The following TBX18 variants were observed in gnomAD, a reference collection of about 807,000 sequenced individuals.
TBX18 encodes the protein T-box transcription factor 18.
A neutral mutation model predicts 55.0 loss-of-function variants in TBX18; 21 were observed. The ratio of observed to expected loss-of-function variants is 0.38; its 90% CI spans 0.27 to 0.55. The LOEUF (loss-of-function observed/expected upper bound fraction) is 0.55. Among genes scored for constraint, TBX18 ranks in the 20% least tolerant of loss-of-function variants. The probability of loss-of-function intolerance (pLI) is 0.73; values close to 1 mark genes in which losing one functional copy is unlikely to be tolerated. For synonymous variants in TBX18, 342 were observed against 326.1 expected (o/e 1.05, Z -0.53); for missense variants, 840 against 799.6 (o/e 1.05, Z -0.61).
At chr6:84,741,749 T>C (rs1319283275) in intron 6 of TBX18, 2 of 152,148 alleles carry the variant, frequency 1.3e-5, no homozygotes, top group Non-Finnish European at 2.9e-5. Context: ...TATGTTAAAC[T>C]TTTTCTCATA....
chr6:84,748,883 T>C (rs1347283966), intron 4 of TBX18, among the ~76,000 whole-genome samples: 1 of 152,148 alleles, frequency 6.6e-6, no homozygotes, highest in Non-Finnish European at 1.5e-5. Context: ...ATATCCAACA[T>C]GAGTAAATTA....
At position 84,732,691 on chromosome 6, in the gene TBX18, G is replaced by A. The variant is rs1756543011; in HGVS notation, c.*3994C>T. On this transcript the variant is annotated 3_prime_UTR_variant, in exon 8 of 8. Coordinates refer to ENST00000369663, the MANE Select transcript of TBX18 (RefSeq NM_001080508.3). Reference sequence around the variant, plus strand: ...ACGTTACTAAGTATAGCTTCCTTCTGATATTAAAATACTAAAATTTATCCT... The same window carrying A: ...ACGTTACTAAGTATAGCTTCCTTCTAATATTAAAATACTAAAATTTATCCT... 1 of 151,856 alleles carries A rather than the reference G, an allele frequency of 6.6e-6. No individual in the cohort carries two copies. Among genetic ancestry groups the A allele is most frequent in the African/African-American group, 2.4e-5 (1 of 41,370 alleles). The allele number at this position is 151,856 out of a possible 1,614,324, so 9.4% of individuals were successfully genotyped here.
Position 84,762,666 on chromosome 6 carries a change from G to A in TBX18, c.375C>T (p.Ser125=). 2 of 1,609,932 alleles carry A rather than the reference G, an allele frequency of 1.2e-6. No individual in the cohort carries two copies. Among genetic ancestry groups the A allele is most frequent in the Non-Finnish European group, 8.5e-7 (1 of 1,178,424 alleles). The change falls in exon 2 of 8, where the codon TCC becomes TCT. Residue 125 remains serine (S), a synonymous_variant. Coordinates refer to ENST00000369663, the MANE Select transcript of TBX18 (RefSeq NM_001080508.3). The stretch of plus-strand genomic sequence containing the variant: ...GCAGAGGGGTCCCGGGCCGGGCCAG[G>A]GAGCGCGCCGGAGACCCCTTGGGGG... ...GGSPKGSPAR[S]LARPGTPLPS...
At position 84,763,200 on chromosome 6, in the gene TBX18, C is replaced by T. The variant is rs1172228825; in HGVS notation, c.293-452G>A. The T allele has an allele frequency of 8.3e-6, 3 of 362,296 alleles. No homozygotes were observed. In the Admixed American group the frequency reaches 1.1e-4, roughly 14 times the overall value. 22.4% of individuals were successfully genotyped at this position (362,296 alleles called of 1,614,324 possible). ...GCGCCCGGACTCTGGTCCCAAGAGC[C>T]TGGGCCTCCTTAAGCCATAAGCGTC... On this transcript the variant is annotated intron_variant, in intron 1 of 7. Coordinates refer to ENST00000369663, the MANE Select transcript of TBX18 (RefSeq NM_001080508.3).
chr6:84,738,640 G>A (rs761428782), intron 6 of TBX18, 49 bp from the exon 7 acceptor site: 9 of 1,393,120 alleles, frequency 6.5e-6, no homozygotes, highest in African/African-American at 5.7e-5. Flanking sequence ...GTCTAGTTAG[G>A]AGCATTTGGA....
chr6:84,750,691 C>T (rs548209787), intron 4 of TBX18, among the ~76,000 whole-genome samples: 2 of 152,230 alleles, frequency 1.3e-5, no homozygotes, highest in African/African-American at 4.8e-5. Context: ...ATTATAAATT[C>T]GTATTTTTTG....
rs746085940 is a variant in TBX18, at chr6:84,737,331, G to A, written c.1178C>T (p.Ser393Phe). The A allele has an allele frequency of 1.3e-6, 2 of 1,590,944 alleles. No individual in the cohort carries two copies. Among genetic ancestry groups the A allele is most frequent in the Non-Finnish European group, 1.7e-6 (2 of 1,168,900 alleles). ...ATGGAAGGCAGGAGAGGAGCAAGAG[G>A]AGCCAGACAAAAGGTGAGGGTGAGT... ...PATHPHLLSGSSCSSPAFHLG... is the reference protein window; with the variant it reads ...PATHPHLLSGFSCSSPAFHLG... Residue 393 changes from serine to phenylalanine, a missense_variant, in exon 8 of 8, where the codon TCC becomes TTC. Transcript: ENST00000369663.
At position 84,737,510 on chromosome 6, in the gene TBX18, G is replaced by A. The variant is rs1313298978; in HGVS notation, c.1100-101C>T. 4 of 1,311,642 alleles carry A rather than the reference G, an allele frequency of 3.0e-6. No homozygotes were observed. In the African/African-American group the frequency reaches 5.9e-5, roughly 19 times the overall value. 81.3% of individuals were successfully genotyped at this position (1,311,642 alleles called of 1,614,324 possible). ...CACAGCTTGTTACAAGGCAAGGGTT[G>A]GAGGAATGCTACAGAGATGAAAAGG... is the stretch of plus-strand genomic sequence containing the variant. On this transcript the variant is annotated intron_variant, in intron 7 of 7. Coordinates refer to ENST00000369663, the MANE Select transcript of TBX18 (RefSeq NM_001080508.3).
Position 84,736,661 on chromosome 6 carries a change from A to G in TBX18, c.*24T>C. Reference sequence around the variant, plus strand: ...AAGAAAATATGTTAGACAGATCCAAATGTCATTTAACTTAAAGGCTTCATC... The same window carrying G: ...AAGAAAATATGTTAGACAGATCCAAGTGTCATTTAACTTAAAGGCTTCATC... On this transcript the variant is annotated 3_prime_UTR_variant, in exon 8 of 8. Coordinates refer to ENST00000369663, the MANE Select transcript of TBX18 (RefSeq NM_001080508.3). 4 of 1,502,992 alleles carry G rather than the reference A, an allele frequency of 2.7e-6. No homozygotes were observed. The highest frequency in any genetic ancestry group is 3.5e-6 in the Non-Finnish European group (4 of 1,127,594). The allele number at this position is 1,502,992 out of a possible 1,614,324, so 93.1% of individuals were successfully genotyped here.
chr6:84,749,016 C>G (rs1260380916), intron 4 of TBX18, among the ~76,000 whole-genome samples: 1 of 152,062 alleles, frequency 6.6e-6, no homozygotes, highest in African/African-American at 2.4e-5. Context: ...GTTAAAACTA[C>G]ATAAAAATAG....
intron 3 of TBX18, among the ~76,000 whole-genome samples, chr6:84,758,566 T>C (rs1033404639): frequency 5.9e-5 from 9 of 152,118 alleles, no homozygotes; most frequent in Admixed American, 2.0e-4. Flanking sequence ...ACTCAAACAT[T>C]AGAAAATAAG....
At chr6:84,763,711 T>A (rs1325315796) in intron 1 of TBX18, among the ~76,000 whole-genome samples, 179 bp downstream of exon 1, 1 of 152,076 alleles carries the variant, frequency 6.6e-6, no homozygotes, top group Non-Finnish European at 1.5e-5. Flanking sequence ...GGAAGCAGTA[T>A]CTGAACCGTC....
At chr6:84,753,021 A>T (rs1226955138) in intron 4 of TBX18, among the ~76,000 whole-genome samples, 1 of 152,172 alleles carries the variant, frequency 6.6e-6, no homozygotes, top group Non-Finnish European at 1.5e-5. Flanking sequence ...GAATTACCCT[A>T]CTCAAGCATA....
At chr6:84,740,796 A>G (rs1767028399) in intron 6 of TBX18, among the ~76,000 whole-genome samples, 1 of 152,256 alleles carries the variant, frequency 6.6e-6, no homozygotes, top group East Asian at 1.9e-4. Flanking sequence ...TATTAAAAAT[A>G]CTAAAGTGAT....
intron 5 of TBX18, among the ~76,000 whole-genome samples, chr6:84,745,994 C>G (rs986152408): frequency 1.3e-5 from 2 of 152,248 alleles, no homozygotes; most frequent in South Asian, 2.1e-4. Context: ...CACTAATCTG[C>G]TAACAATGTT....
At chr6:84,763,613 C>T (rs943553387) in intron 1 of TBX18, among the ~76,000 whole-genome samples, 9 of 152,146 alleles carry the variant, frequency 5.9e-5, no homozygotes. Context: ...ATGCAGGAAG[C>T]ACAGAGCTGC....
At chr6:84,751,775 A>T (rs1767355928) in intron 4 of TBX18, among the ~76,000 whole-genome samples, 1 of 152,228 alleles carries the variant, frequency 6.6e-6, no homozygotes, top group African/African-American at 2.4e-5. Context: ...ATCATCTCTC[A>T]TTTGAGTCTA....
At position 84,747,944 on chromosome 6, in the gene TBX18, G is replaced by A. The variant is rs754825542; in HGVS notation, c.915C>T (p.Thr305=). Residue 305 remains threonine (T), a synonymous_variant, in exon 5 of 8, where the codon ACC becomes ACT. Transcript: ENST00000369663. ...AFSFPETVFT[T]VTAYQNQQIT... ...CCTGCTGATTCTGATAGGCAGTGAC[G>A]GTTGTGAAGACAGTTTCTGGAAAGG... The A allele has an allele frequency of 6.8e-6, 11 of 1,612,524 alleles. No individual in the cohort carries two copies. The highest frequency in any genetic ancestry group is 2.2e-5 in the East Asian group (1 of 44,876).
At chr6:84,740,755 CCA>C (rs1227337364) in intron 6 of TBX18, among the ~76,000 whole-genome samples, 1 of 152,120 alleles carries the variant, frequency 6.6e-6, no homozygotes, top group African/African-American at 2.4e-5. Context: ...CTTCTTATTA[CCA>C]CATAGATGAG....
Sources: allele counts gnomAD v4.1 joint callset (sites outside exome capture counted in the v4.1 genomes callset), GRCh38; gene constraint gnomAD v4.1.1; transcripts MANE v1.5; gene names NCBI Gene and HGNC (gene_info 2026-07-23, HGNC 2026-07-21).